Variants in ADAMTSL1 observed in about 807,000 individuals in gnomAD.
The protein encoded by ADAMTSL1 is ADAMTS-like protein 1.
ADAMTSL1 carries 126 observed loss-of-function variants against 201.8 expected under a neutral mutation model. That is an observed-to-expected ratio of 0.62 (90% CI 0.54 to 0.72). The LOEUF (loss-of-function observed/expected upper bound fraction) is 0.72, where lower values mean the gene tolerates loss of function less well. Among genes scored for constraint, ADAMTSL1 ranks in the 30% least tolerant of loss-of-function variants. The pLI, the probability that ADAMTSL1 is intolerant of heterozygous loss-of-function variation, is 0.00. For missense variants in ADAMTSL1, 2,679 were observed against 2,277.8 expected (o/e 1.18, Z -3.59); for synonymous variants, 1,121 against 903.4 (o/e 1.24, Z -4.32).
chr9:18,358,308 C>A (rs776362080), intron 2 of ADAMTSL1, among the ~76,000 whole-genome samples: 5 of 152,104 alleles, frequency 3.3e-5, no homozygotes, highest in Non-Finnish European at 7.4e-5. Context: ...TTTTTCTGTT[C>A]TTTGCTCCTT....
At chr9:18,054,700 A>T (rs553149541) in intron 1 of ADAMTSL1, among the ~76,000 whole-genome samples, 1 of 152,362 alleles carries the variant, frequency 6.6e-6, no homozygotes, top group South Asian at 2.1e-4. Context: ...CAGCTAATAA[A>T]TGAAAGAGTT....
At chr9:18,496,667 T>C in intron 1 of ADAMTSL1, among the ~76,000 whole-genome samples, 1 of 152,238 alleles carries the variant, frequency 6.6e-6, no homozygotes, top group Admixed American at 6.5e-5. Flanking sequence ...ATTAATCTAT[T>C]AACGTTCCAG....
chr9:18,258,808 G>A (rs931867212), intron 2 of ADAMTSL1, among the ~76,000 whole-genome samples: 2 of 152,048 alleles, frequency 1.3e-5, no homozygotes, highest in South Asian at 2.1e-4. Flanking sequence ...TCATAACCAC[G>A]CATCTTCACT....
At chr9:18,844,348 T>C (rs999929944) in intron 23 of ADAMTSL1, among the ~76,000 whole-genome samples, 3 of 152,134 alleles carry the variant, frequency 2.0e-5, no homozygotes, top group African/African-American at 7.2e-5. Context: ...TGCAGAACAG[T>C]GGATTTTCAT....
At chr9:18,836,380 G>T (rs1206806370) in intron 23 of ADAMTSL1, among the ~76,000 whole-genome samples, 2 of 152,106 alleles carry the variant, frequency 1.3e-5, no homozygotes, top group Non-Finnish European at 2.9e-5. Context: ...TCTGTAGGTT[G>T]TCTGTTTACT....
intron 2 of ADAMTSL1, among the ~76,000 whole-genome samples, chr9:18,317,420 A>ACACG (rs1554658665): frequency 6.6e-6 from 1 of 152,210 alleles, no homozygotes; most frequent in Non-Finnish European, 1.5e-5. Flanking sequence ...ACACACACAC[A>ACACG]CACGTACATG....
At chr9:18,320,344 A>G (rs944728105) in intron 2 of ADAMTSL1, among the ~76,000 whole-genome samples, 1 of 152,240 alleles carries the variant, frequency 6.6e-6, no homozygotes, top group Non-Finnish European at 1.5e-5. Flanking sequence ...ACTGATGCTG[A>G]AGAAAATGCA....
chr9:18,509,034 A>G (rs1468957261), intron 2 of ADAMTSL1, among the ~76,000 whole-genome samples: 1 of 128,928 alleles, frequency 7.8e-6, no homozygotes, highest in East Asian at 2.0e-4. Flanking sequence ...AATACAAAAA[A>G]TTAGCCGGGC....
intron 1 of ADAMTSL1, among the ~76,000 whole-genome samples, chr9:18,071,225 A>T (rs566615713): frequency 6.6e-6 from 1 of 152,314 alleles, no homozygotes; most frequent in East Asian, 1.9e-4. Context: ...AGGCTCTAGA[A>T]CTATAACTTT....
At chr9:18,232,295 C>G (rs1830672570) in intron 2 of ADAMTSL1, among the ~76,000 whole-genome samples, 1 of 152,150 alleles carries the variant, frequency 6.6e-6, no homozygotes, top group Admixed American at 6.6e-5. Context: ...AAGTTGTCCC[C>G]CTTGCCGAAT....
chr9:18,403,270 G>A (rs532278700), intron 2 of ADAMTSL1, among the ~76,000 whole-genome samples: 1 of 151,672 alleles, frequency 6.6e-6, no homozygotes. Flanking sequence ...TGCAACCTTC[G>A]CCTCCTGGGT....
intron 14 of ADAMTSL1, 103 bp downstream of exon 14, chr9:18,707,151 A>G (rs897589203): frequency 2.9e-6 from 4 of 1,395,630 alleles, no homozygotes; most frequent in Non-Finnish European, 9.6e-7. Flanking sequence ...AAGAATGATA[A>G]GCAGGAGGAG....
intron 13 of ADAMTSL1, among the ~76,000 whole-genome samples, chr9:18,687,934 T>C (rs1453111201): frequency 6.6e-6 from 1 of 152,096 alleles, no homozygotes. Flanking sequence ...GAAATAAATA[T>C]GGAGATTGGC....
At chr9:18,202,442 A>G (rs1037238984) in intron 2 of ADAMTSL1, among the ~76,000 whole-genome samples, 4 of 152,228 alleles carry the variant, frequency 2.6e-5, no homozygotes, top group African/African-American at 9.6e-5. Flanking sequence ...ACATAGTCCT[A>G]CAAATGATGA....
At position 18,890,447 on chromosome 9, in the gene ADAMTSL1, C is replaced by T. The variant is rs143645747; in HGVS notation, c.4643+699C>T. On this transcript the variant is annotated intron_variant, in intron 25 of 28. Coordinates refer to ENST00000380548, the MANE Select transcript of ADAMTSL1 (RefSeq NM_001040272.6). ...GATGGGCTTGGAGTTGGCACTGGTG[C>T]AGTGCTGAGAGCCTGGGGGGATGTG... 6.9e-4 allele frequency: 314 copies of T among 452,704 alleles called. 1 individual carries two copies. The highest frequency in any genetic ancestry group is 5.4e-3 in the African/African-American group (270 of 50,080). 28.0% of individuals were successfully genotyped at this position (452,704 alleles called of 1,614,324 possible).
chr9:18,111,043 A>G (rs1408279267), intron 1 of ADAMTSL1, among the ~76,000 whole-genome samples: 1 of 152,134 alleles, frequency 6.6e-6, no homozygotes, highest in African/African-American at 2.4e-5. Context: ...TGCTCTCTCC[A>G]TGTGTTCATT....
intron 3 of ADAMTSL1, among the ~76,000 whole-genome samples, chr9:18,534,246 G>C (rs1690901699): frequency 6.6e-6 from 1 of 152,052 alleles, no homozygotes; most frequent in Non-Finnish European, 1.5e-5. Context: ...GGAGCAAGAA[G>C]TAATGAAGGC....
chr9:18,345,956 C>T (rs1248735232), intron 2 of ADAMTSL1, among the ~76,000 whole-genome samples: 1 of 152,080 alleles, frequency 6.6e-6, no homozygotes, highest in Non-Finnish European at 1.5e-5. Flanking sequence ...GGGACTGCAG[C>T]CCACTCTGTA....
chr9:18,244,568 T>C (rs1052568842), intron 2 of ADAMTSL1, among the ~76,000 whole-genome samples: 1 of 152,056 alleles, frequency 6.6e-6, no homozygotes, highest in African/African-American at 2.4e-5. Flanking sequence ...CCAAAATATA[T>C]GATCCCTCAC....
Sources: gnomAD v4.1 joint callset for allele counts (sites outside exome capture counted in the v4.1 genomes callset) on GRCh38, gnomAD v4.1.1 for gene constraint, MANE v1.5 for transcripts, NCBI Gene and HGNC (gene_info 2026-07-23, HGNC 2026-07-21) for gene names.